The following ZHX2 variants were observed in gnomAD, a reference collection of about 807,000 sequenced individuals.
ZHX2 encodes the protein zinc fingers and homeoboxes 2.
Under a neutral mutation model 21.9 loss-of-function variants are expected in ZHX2, and 6 were observed. That is an observed-to-expected ratio of 0.27 (90% CI 0.15 to 0.54). The LOEUF is 0.54. Among genes scored for constraint, ZHX2 ranks in the 20% least tolerant of loss-of-function variants. The probability of loss-of-function intolerance (pLI) is 0.95; values close to 1 mark genes in which losing one functional copy is unlikely to be tolerated. For missense variants in ZHX2, 908 were observed against 1,090.7 expected, an observed-to-expected ratio of 0.83 and a Z score of 2.36; for synonymous variants, 434 against 437.1, an observed-to-expected ratio of 0.99 and a Z score of 0.09.
intron 1 of ZHX2, among the ~76,000 whole-genome samples, chr8:122,813,231 A>T (rs1817968104): frequency 6.6e-6 from 1 of 151,930 alleles, no homozygotes; most frequent in East Asian, 1.9e-4. Context: ...AGAAGTAGGT[A>T]CTGTTGCTAC....
chr8:122,884,635 C>T (rs552523275), intron 2 of ZHX2, among the ~76,000 whole-genome samples: 3 of 152,284 alleles, frequency 2.0e-5, no homozygotes, highest in African/African-American at 4.8e-5. Context: ...GTATCGTGGG[C>T]GTCCGCTGGC....
At chr8:122,885,180 C>A (rs1056702411) in intron 2 of ZHX2, among the ~76,000 whole-genome samples, 24 of 152,168 alleles carry the variant, frequency 1.6e-4, no homozygotes, top group African/African-American at 5.6e-4. Flanking sequence ...CCAGTTGTGG[C>A]CTGTCAGAAC....
intron 2 of ZHX2, among the ~76,000 whole-genome samples, chr8:122,903,804 G>A (rs909924582): frequency 6.6e-5 from 10 of 152,284 alleles, no homozygotes; most frequent in African/African-American, 2.4e-4. Flanking sequence ...CAGGGATAGA[G>A]AGAAAATGGG....
At chr8:122,905,806 A>G (rs1237352947) in intron 2 of ZHX2, among the ~76,000 whole-genome samples, 1 of 152,222 alleles carries the variant, frequency 6.6e-6, no homozygotes, top group African/African-American at 2.4e-5. Flanking sequence ...GGTTGGCGCA[A>G]ACATGATTGT....
intron 1 of ZHX2, among the ~76,000 whole-genome samples, chr8:122,843,350 T>G (rs1425719146): frequency 6.6e-6 from 1 of 152,232 alleles, no homozygotes; most frequent in African/African-American, 2.4e-5. Flanking sequence ...GCTATTTTCT[T>G]TAGCTCACTA....
At chr8:122,879,788 G>GTGGCCTTGGATATATCACT (rs1045959751) in intron 2 of ZHX2, among the ~76,000 whole-genome samples, 2 of 151,988 alleles carry the variant, frequency 1.3e-5, no homozygotes, top group Non-Finnish European at 2.9e-5. Flanking sequence ...CTGCCAACAT[G>GTGGCCTTGGATATATCACT]TGGCCTTGGA....
At chr8:122,849,509 GA>G (rs1818837285) in intron 1 of ZHX2, among the ~76,000 whole-genome samples, 1 of 152,136 alleles carries the variant, frequency 6.6e-6, no homozygotes, top group Non-Finnish European at 1.5e-5. Flanking sequence ...AGGCTCTAGG[GA>G]ACATCTTTTT....
Position 122,912,717 on chromosome 8 carries a change from G to T in ZHX2, c.-219-38575G>T, listed in dbSNP as rs559373018. ...AAAGAACCTAAGTGGCTTTCTCAAG[G>T]CCACATACTGATTTGTTAGCAAATA... On this transcript the variant is annotated intron_variant, in intron 2 of 3. Transcript: ENST00000314393. 2.0e-5 allele frequency among the ~76,000 whole-genome samples: 3 copies of T among 152,188 alleles called. No homozygotes were observed. The East Asian group carries it at 5.8e-4, about 29-fold the overall frequency.
At chr8:122,936,299 C>G (rs893701864) in intron 2 of ZHX2, among the ~76,000 whole-genome samples, 4 of 152,132 alleles carry the variant, frequency 2.6e-5, no homozygotes, top group African/African-American at 9.7e-5. Flanking sequence ...GCATCAGTTG[C>G]GAGGTATGGG....
intron 1 of ZHX2, among the ~76,000 whole-genome samples, chr8:122,829,044 T>C (rs1457834223): frequency 6.6e-6 from 1 of 152,242 alleles, no homozygotes; most frequent in Admixed American, 6.5e-5. Flanking sequence ...AGTTAGGTTA[T>C]GAAGACTCTG....
chr8:122,793,744 G>A lies in ZHX2; in HGVS notation c.-283+11798G>A, dbSNP rs746266554. On this transcript the variant is annotated intron_variant, in intron 1 of 3. Coordinates refer to ENST00000314393, the MANE Select transcript of ZHX2 (RefSeq NM_014943.5). ...TCTTTCCAGTTTGGTCAAAGCCTAC[G>A]TAGATTCCGCACATGGCTCAAATGG... Among the ~76,000 whole-genome samples the A allele has an allele frequency of 4.6e-5, 7 of 152,194 alleles. 1 individual carries two copies. The East Asian group carries it at 5.8e-4, about 13-fold the overall frequency.
At chr8:122,964,005 T>C (rs1426206268) in intron 3 of ZHX2, among the ~76,000 whole-genome samples, 1 of 152,222 alleles carries the variant, frequency 6.6e-6, no homozygotes, top group Non-Finnish European at 1.5e-5. Context: ...TGATTTTGTA[T>C]TCTGAAACAC....
intron 3 of ZHX2, among the ~76,000 whole-genome samples, chr8:122,967,513 T>C (rs1813612689): frequency 6.6e-6 from 1 of 152,224 alleles, no homozygotes; most frequent in East Asian, 1.9e-4. Flanking sequence ...TCTTCAGGTC[T>C]CCCAGTCTTG....
At chr8:122,882,022 CCT>C (rs1819725506) in intron 2 of ZHX2, among the ~76,000 whole-genome samples, 1 of 152,114 alleles carries the variant, frequency 6.6e-6, no homozygotes, top group Non-Finnish European at 1.5e-5. Context: ...CTTAAATCAA[CCT>C]CTCTCCCTGC....
intron 1 of ZHX2, among the ~76,000 whole-genome samples, chr8:122,787,755 A>G (rs1361779445): frequency 6.6e-6 from 1 of 152,246 alleles, no homozygotes; most frequent in Non-Finnish European, 1.5e-5. Flanking sequence ...GAAGAGGGTT[A>G]TGAATGAGAG....
intron 1 of ZHX2, among the ~76,000 whole-genome samples, chr8:122,808,004 T>C (rs1817856395): frequency 6.6e-6 from 1 of 152,198 alleles, no homozygotes; most frequent in Non-Finnish European, 1.5e-5. Flanking sequence ...AGCCTTGTTA[T>C]TGGGAGAGTT....
At chr8:122,843,536 T>A (rs973427180) in intron 1 of ZHX2, among the ~76,000 whole-genome samples, 2 of 152,124 alleles carry the variant, frequency 1.3e-5, no homozygotes, top group African/African-American at 4.8e-5. Context: ...CACTGCTGAG[T>A]GCTCACTTTT....
In ZHX2 at chr8:122,904,633, A is replaced by C. The variant is rs576861646; in HGVS notation, c.-220+41094A>C. Among the ~76,000 whole-genome samples the C allele has an allele frequency of 2.0e-5, 3 of 152,298 alleles. No individual in the cohort carries two copies. In the South Asian group the frequency reaches 6.2e-4, roughly 32 times the overall value. On this transcript the variant is annotated intron_variant, in intron 2 of 3. Coordinates refer to ENST00000314393, the MANE Select transcript of ZHX2 (RefSeq NM_014943.5). The stretch of plus-strand genomic sequence containing the variant: ...CTCAAGTGTCAAGGCCAAATGGAGA[A>C]CCTGGACCCCTACTTAGTAATAATG...
At chr8:122,909,611 C>T (rs892374653) in intron 2 of ZHX2, among the ~76,000 whole-genome samples, 6 of 152,226 alleles carry the variant, frequency 3.9e-5, no homozygotes, top group Non-Finnish European at 7.4e-5. Context: ...CCTCTCCCCC[C>T]CACAACCTGT....
Sources: allele counts gnomAD v4.1 joint callset (sites outside exome capture counted in the v4.1 genomes callset), GRCh38; gene constraint gnomAD v4.1.1; transcripts MANE v1.5; gene names NCBI Gene and HGNC (gene_info 2026-07-23, HGNC 2026-07-21).